Variants in IRGM observed in about 807,000 individuals in gnomAD.
The protein encoded by IRGM is immunity related GTPase M, also known as immunity-related GTPase family M protein.
For missense variants in IRGM, 288 were observed against 219.9 expected, an observed-to-expected ratio of 1.31 and a Z score of -1.96; for synonymous variants, 98 against 80.6, an observed-to-expected ratio of 1.22 and a Z score of -1.16.
rs545797367 is a variant in IRGM, at chr5:150,898,478, G to C, written c.*141-2111G>C. 3.1e-6 allele frequency: 5 copies of C among 1,613,284 alleles called. No individual in the cohort carries two copies. The South Asian group carries it at 5.5e-5, about 18-fold the overall frequency. On this transcript the variant is annotated intron_variant and NMD_transcript_variant, in intron 3 of 3. Coordinates refer to the IRGM transcript ENST00000520549. ...CTCCAGCATCACATCCCTGTACAGGGTCCTCTGAGAAGGGTCAAGTTGCTG... is the reference window on the plus strand; with the variant it reads ...CTCCAGCATCACATCCCTGTACAGGCTCCTCTGAGAAGGGTCAAGTTGCTG...
intron 3 of IRGM, among the ~76,000 whole-genome samples, chr5:150,889,351 C>G (rs1381666909): frequency 6.6e-6 from 1 of 151,912 alleles, no homozygotes; most frequent in Non-Finnish European, 1.5e-5. Flanking sequence ...GGAAACTCCC[C>G]CTTTATAAAA....
intron 3 of IRGM, among the ~76,000 whole-genome samples, chr5:150,880,367 T>G (rs1754426956): frequency 6.6e-6 from 1 of 152,166 alleles, no homozygotes; most frequent in Non-Finnish European, 1.5e-5. Context: ...ATTGTAGAAA[T>G]TTATGCTTAA....
chr5:150,865,392 ATGTT>A (rs1317835016), intron 1 of IRGM, among the ~76,000 whole-genome samples: 3 of 149,268 alleles, frequency 2.0e-5, no homozygotes, highest in Non-Finnish European at 4.4e-5. Context: ...ATTTCATTAA[ATGTT>A]AATAGACTAA....
chr5:150,896,563 C>CA, intron 3 of IRGM: 1 of 1,613,736 alleles, frequency 6.2e-7, no homozygotes, highest in Non-Finnish European at 8.5e-7. Flanking sequence ...GAATTGGGCT[C>CA]ACTCTGGCTA....
intron 1 of IRGM, among the ~76,000 whole-genome samples, chr5:150,870,409 C>G (rs575611512): frequency 5.4e-4 from 82 of 151,974 alleles, no homozygotes; most frequent in Non-Finnish European, 9.4e-4. Flanking sequence ...TGGGTCAAAC[C>G]AGTAAGACAA....
intron 1 of IRGM, among the ~76,000 whole-genome samples, chr5:150,875,980 A>G (rs1754356837): frequency 6.6e-6 from 1 of 152,182 alleles, no homozygotes; most frequent in Non-Finnish European, 1.5e-5. Context: ...GACTCACAGA[A>G]TGCCTTATCC....
chr5:150,859,460 T>G (rs1424244717), intron 1 of IRGM, among the ~76,000 whole-genome samples: 1 of 152,194 alleles, frequency 6.6e-6, no homozygotes, highest in Non-Finnish European at 1.5e-5. Context: ...TTAGGGAGGA[T>G]TCCCTCTTTT....
At chr5:150,864,401 A>C (rs1295013418) in intron 1 of IRGM, among the ~76,000 whole-genome samples, 1 of 152,080 alleles carries the variant, frequency 6.6e-6, no homozygotes, top group Non-Finnish European at 1.5e-5. Flanking sequence ...CCTTCTCCCC[A>C]GCTCTTGTTC....
intron 3 of IRGM, among the ~76,000 whole-genome samples, chr5:150,892,381 A>G (rs192585030): frequency 2.5e-4 from 38 of 152,196 alleles, no homozygotes; most frequent in African/African-American, 9.1e-4. Context: ...TGTAGACTCT[A>G]GAATCAGAAT....
At chr5:150,887,296 A>G (rs1328322679) in intron 3 of IRGM, among the ~76,000 whole-genome samples, 1 of 152,094 alleles carries the variant, frequency 6.6e-6, no homozygotes, top group African/African-American at 2.4e-5. Flanking sequence ...TCACAATGCA[A>G]TCACAAGTAA....
At chr5:150,868,621 A>G (rs1336781161) in intron 1 of IRGM, among the ~76,000 whole-genome samples, 1 of 152,060 alleles carries the variant, frequency 6.6e-6, no homozygotes, top group Admixed American at 6.5e-5. Flanking sequence ...AAGTGTTTCC[A>G]TTTGTTTGTG....
chr5:150,852,148 A>G (rs1256312307), downstream of IRGM, among the ~76,000 whole-genome samples: 1 of 152,182 alleles, frequency 6.6e-6, no homozygotes, highest in East Asian at 1.9e-4. Context: ...AGTAAGCTGT[A>G]TAATTTTCAT....
chr5:150,896,340 C>T lies in IRGM; in HGVS notation c.*141-4249C>T, dbSNP rs796140472. 6.8e-6 allele frequency: 11 copies of T among 1,613,494 alleles called. No homozygotes were observed. The highest frequency in any genetic ancestry group is 1.1e-5 in the South Asian group (1 of 91,056). On this transcript the variant is annotated intron_variant and NMD_transcript_variant, in intron 3 of 3. Coordinates refer to the IRGM transcript ENST00000520549. ...CTCACTGAAGGCTTTTCCGCATGCA[C>T]CACAATCATATGGTTTCTTTCCAGT...
chr5:150,874,155 T>C (rs548610037), intron 1 of IRGM, among the ~76,000 whole-genome samples: 7 of 152,228 alleles, frequency 4.6e-5, no homozygotes, highest in Non-Finnish European at 1.0e-4. Flanking sequence ...AGAAGCAATT[T>C]GCCTTCAGCT....
intron 1 of IRGM, among the ~76,000 whole-genome samples, chr5:150,863,816 T>A (rs2113268097): frequency 6.6e-6 from 1 of 152,322 alleles, no homozygotes; most frequent in Admixed American, 6.5e-5. Context: ...TATCATTTTC[T>A]AAATGTTCTT....
chr5:150,867,396 C>T (rs961331641), intron 1 of IRGM, among the ~76,000 whole-genome samples: 1 of 151,968 alleles, frequency 6.6e-6, no homozygotes. Flanking sequence ...GGCATTTGGG[C>T]TGGTTCTATA....
chr5:150,895,850 T>A lies in IRGM; in HGVS notation c.*141-4739T>A, dbSNP rs779775626. ...TTCCACATTCAGTACATTCATAAGGTTTTTCCCCAGTATGAACTAACTGAT... is the reference window on the plus strand; with the variant it reads ...TTCCACATTCAGTACATTCATAAGGATTTTCCCCAGTATGAACTAACTGAT... On this transcript the variant is annotated intron_variant and NMD_transcript_variant, in intron 3 of 3. Transcript: ENST00000520549. The A allele has an allele frequency of 4.3e-6, 7 of 1,613,470 alleles. No homozygotes were observed. In the East Asian group the frequency reaches 6.7e-5, roughly 15 times the overall value.
intron 1 of IRGM, among the ~76,000 whole-genome samples, chr5:150,874,909 T>C (rs1042265334): frequency 1.3e-5 from 2 of 152,196 alleles, no homozygotes; most frequent in African/African-American, 4.8e-5. Flanking sequence ...TGACTATGGG[T>C]CATCAAGTTA....
rs78614674 is a variant in IRGM at position 150,879,109 on chromosome 5, T to C, written c.*79-476T>C. 1.5e-3 allele frequency among the ~76,000 whole-genome samples: 225 copies of C among 152,124 alleles called. 6 individuals carry two copies. In the East Asian group the frequency reaches 0.032, roughly 22 times the overall value. On this transcript the variant is annotated intron_variant and NMD_transcript_variant, in intron 2 of 3. Coordinates refer to the IRGM transcript ENST00000520549. ...AAAATGTTCATATCAGTAAGAAAAA[T>C]CCAAAATGCTGATGGTAGCTGAGAT...
Sources: allele counts gnomAD v4.1 joint callset (sites outside exome capture counted in the v4.1 genomes callset), GRCh38; gene constraint gnomAD v4.1.1; transcripts MANE v1.5; gene names NCBI Gene and HGNC (gene_info 2026-07-23, HGNC 2026-07-21).